Variants in DCHS2 observed in about 807,000 individuals in gnomAD.
DCHS2 encodes the protein protocadherin-23.
DCHS2 carries 142 observed loss-of-function variants against 182.4 expected under a neutral mutation model. The ratio of observed to expected loss-of-function variants is 0.78; its 90% CI spans 0.68 to 0.89. The LOEUF is 0.89. Among genes scored for constraint, DCHS2 ranks in the 40% least tolerant of loss-of-function variants. DCHS2 has a pLI of 0.00. For missense variants in DCHS2, 4,319 were observed against 4,198.6 expected, an observed-to-expected ratio of 1.03 and a Z score of -0.79; for synonymous variants, 1,740 against 1,663.3, an observed-to-expected ratio of 1.05 and a Z score of -1.12.
chr4:154,288,992 C>T (rs1293898698), intron 13 of DCHS2, among the ~76,000 whole-genome samples: 1 of 151,854 alleles, frequency 6.6e-6, no homozygotes, highest in East Asian at 1.9e-4. Flanking sequence ...GTCAAATAAA[C>T]AATCTAACAA....
At chr4:154,422,743 C>G (rs1733164449) in intron 1 of DCHS2, among the ~76,000 whole-genome samples, 1 of 152,190 alleles carries the variant, frequency 6.6e-6, no homozygotes, top group Admixed American at 6.5e-5. Context: ...ATGCTCCATT[C>G]CACTAGCCTG....
chr4:154,417,198 TGTGTGTGAGA>T (rs1732881810), intron 1 of DCHS2, among the ~76,000 whole-genome samples: 7 of 65,344 alleles, frequency 1.1e-4, no homozygotes, highest in African/African-American at 3.0e-4. Context: ...TGTGTGTGTG[TGTGTGTGAGA>T]GAGAGAGAGA....
chr4:154,443,832 G>C (rs987852762), intron 1 of DCHS2, among the ~76,000 whole-genome samples: 4 of 152,206 alleles, frequency 2.6e-5, no homozygotes, highest in Non-Finnish European at 5.9e-5. Context: ...AAAGTGAGGA[G>C]TGTCTTCTTC....
rs1282699528 is a variant in DCHS2 at position 154,333,316 on chromosome 4, C to T, written c.2892G>A (p.Glu964=). Residue 964 remains glutamate (E), a synonymous_variant, in exon 5 of 20, where the codon GAG becomes GAA. Coordinates refer to ENST00000357232, the MANE Select transcript of DCHS2 (RefSeq NM_001358235.2). ...LGSAPACSST[E]VNITVMDVND... ...TGACATCCATGACTGTTATGTTGACCTCGGTGCTGCTGCAGGCTGGGGCGC... is the reference window on the plus strand; with the variant it reads ...TGACATCCATGACTGTTATGTTGACTTCGGTGCTGCTGCAGGCTGGGGCGC... 3 of 1,614,180 alleles carry T rather than the reference C, an allele frequency of 1.9e-6. No individual in the cohort carries two copies. The highest frequency in any genetic ancestry group is 4.5e-5 in the East Asian group (2 of 44,874).
In DCHS2 at chr4:154,346,322, G is replaced by A. The variant is rs76478150; in HGVS notation, c.2477-11218C>T. Among the ~76,000 whole-genome samples, 200 of 152,180 alleles carry A rather than the reference G, an allele frequency of 1.3e-3. 6 individuals are homozygous for A. In the East Asian group the frequency reaches 0.032, roughly 24 times the overall value. On this transcript the variant is annotated intron_variant, in intron 3 of 19. Transcript: ENST00000357232. ...CCAAAGCAAGAATAGACAATAGAAC[G>A]GAACAGACAGCCCCTACAAAGATGC...
At chr4:154,372,438 T>A (rs1730686240) in intron 2 of DCHS2, among the ~76,000 whole-genome samples, 1 of 152,182 alleles carries the variant, frequency 6.6e-6, no homozygotes, top group African/African-American at 2.4e-5. Flanking sequence ...AGTGAAGAGC[T>A]CAGTCCGTTT....
chr4:154,244,201 G>A (rs7685188), intron 16 of DCHS2, among the ~76,000 whole-genome samples: 5,463 of 152,260 alleles, frequency 0.036, 145 homozygotes, highest in Middle Eastern at 0.11. Flanking sequence ...TATGGGCAGG[G>A]AGCCGCCTTA....
At chr4:154,433,673 C>T (rs1733657380) in intron 1 of DCHS2, among the ~76,000 whole-genome samples, 1 of 152,120 alleles carries the variant, frequency 6.6e-6, no homozygotes, top group Admixed American at 6.5e-5. Context: ...GGATTACAGG[C>T]ATGAATCACT....
At chr4:154,366,796 G>A (rs1340700919) in intron 2 of DCHS2, among the ~76,000 whole-genome samples, 1 of 152,162 alleles carries the variant, frequency 6.6e-6, no homozygotes, top group African/African-American at 2.4e-5. Flanking sequence ...CAGCTGTGAG[G>A]CAAAAATTTC....
intron 1 of DCHS2, among the ~76,000 whole-genome samples, chr4:154,440,058 G>A (rs1733935482): frequency 6.6e-6 from 1 of 152,088 alleles, no homozygotes; most frequent in African/African-American, 2.4e-5. Context: ...CCACCTTCTG[G>A]CAAAGTTAAC....
chr4:154,250,675 T>G (rs950724180), intron 16 of DCHS2, among the ~76,000 whole-genome samples: 10 of 152,210 alleles, frequency 6.6e-5, no homozygotes, highest in African/African-American at 2.2e-4. Context: ...AATCAATATT[T>G]TAGTATGTAT....
In DCHS2 at chr4:154,445,615, C is replaced by T. The variant is rs1016976061; in HGVS notation, c.2052+43689G>A. 5.3e-5 allele frequency among the ~76,000 whole-genome samples: 8 copies of T among 152,178 alleles called. No individual in the cohort carries two copies. The East Asian group carries it at 1.4e-3, about 26-fold the overall frequency. On this transcript the variant is annotated intron_variant, in intron 1 of 19. Coordinates refer to ENST00000357232, the MANE Select transcript of DCHS2 (RefSeq NM_001358235.2). Reference sequence around the variant, plus strand: ...CTTGAGCCCAGGAGTTCAAGACTAGCGTGGGCAACATAGTGTGACCCTGTC... The same window carrying T: ...CTTGAGCCCAGGAGTTCAAGACTAGTGTGGGCAACATAGTGTGACCCTGTC...
chr4:154,357,746 C>T lies in DCHS2; in HGVS notation c.2476+8464G>A, dbSNP rs527779109. ...GCCCCAGATGGTTGCTGATCACTTG[C>T]AGTATGGCCCTTTCTGGACAGGGCT... On this transcript the variant is annotated intron_variant, in intron 3 of 19. Transcript: ENST00000357232. Among the ~76,000 whole-genome samples the T allele has an allele frequency of 7.2e-4, 109 of 152,182 alleles. 1 individual carries two copies. Among genetic ancestry groups the T allele is most frequent in the Non-Finnish European group, 1.3e-3 (90 of 68,028 alleles).
At chr4:154,404,932 C>T (rs1245727324) in intron 1 of DCHS2, among the ~76,000 whole-genome samples, 1 of 152,170 alleles carries the variant, frequency 6.6e-6, no homozygotes, top group Non-Finnish European at 1.5e-5. Flanking sequence ...ACCTCTACCC[C>T]CAGAGTCCAC....
intron 14 of DCHS2, among the ~76,000 whole-genome samples, chr4:154,265,493 G>C (rs375839337): frequency 2.6e-5 from 4 of 152,142 alleles, no homozygotes; most frequent in Non-Finnish European, 4.4e-5. Context: ...AAATGTCAGC[G>C]ATCAGTTGGG....
intron 13 of DCHS2, among the ~76,000 whole-genome samples, chr4:154,291,239 A>G (rs2087595): frequency 0.98 from 148,985 of 152,112 alleles, 73,041 homozygotes; most frequent in Middle Eastern, 1. Context: ...ACTACAGTGA[A>G]ATATCATCTC....
At chr4:154,439,302 T>A (rs1316845491) in intron 1 of DCHS2, among the ~76,000 whole-genome samples, 1 of 152,182 alleles carries the variant, frequency 6.6e-6, no homozygotes, top group Admixed American at 6.5e-5. Flanking sequence ...TTTAAGAAAT[T>A]GAAAGCTACT....
At chr4:154,404,615 G>T (rs1732323158) in intron 1 of DCHS2, among the ~76,000 whole-genome samples, 1 of 152,174 alleles carries the variant, frequency 6.6e-6, no homozygotes, top group Admixed American at 6.5e-5. Context: ...TACTAAAGAA[G>T]GGTGTTAACA....
Position 154,333,274 on chromosome 4 carries a change from C to G in DCHS2, c.2934G>C (p.Ala978=). 2 of 1,614,190 alleles carry G rather than the reference C, an allele frequency of 1.2e-6. No homozygotes were observed. Among genetic ancestry groups the G allele is most frequent in the Non-Finnish European group, 1.7e-6 (2 of 1,180,026 alleles). Residue 978 remains alanine, a synonymous_variant, in exon 5 of 20, where the codon GCG becomes GCC. Coordinates refer to ENST00000357232, the MANE Select transcript of DCHS2 (RefSeq NM_001358235.2). ...TAATCTCATCCGAGGTCCTGAGGAA[C>G]GCTGGGTGGTTGTCATTGACATCCA... is the stretch of plus-strand genomic sequence containing the variant. ...TVMDVNDNHP[A]FLRTSDEIRI... is the part of the protein sequence containing the mutation.
Sources: gnomAD v4.1 joint callset for allele counts (sites outside exome capture counted in the v4.1 genomes callset) on GRCh38, gnomAD v4.1.1 for gene constraint, MANE v1.5 for transcripts, NCBI Gene and HGNC (gene_info 2026-07-23, HGNC 2026-07-21) for gene names.